IL1RAPL2: variants seen among roughly 807,000 people sequenced by gnomAD.
IL1RAPL2 encodes interleukin 1 receptor accessory protein like 2, also known as X-linked interleukin-1 receptor accessory protein-like 2.
Under a neutral mutation model 44.1 loss-of-function variants are expected in IL1RAPL2, and 3 were observed. The observed-to-expected ratio is 0.07, with a 90% CI of 0.03 to 0.18. IL1RAPL2 has a LOEUF of 0.18. IL1RAPL2 is among the 10% of genes least tolerant of loss of function. IL1RAPL2 has a pLI of 1.00. For synonymous variants in IL1RAPL2, 181 were observed against 178.8 expected, an observed-to-expected ratio of 1.01 and a Z score of -0.10; for missense variants, 391 against 496.4, an observed-to-expected ratio of 0.79 and a Z score of 2.02.
chrX:105,192,050 T>C (rs1193943046), intron 2 of IL1RAPL2, among the ~76,000 whole-genome samples: 1 of 111,990 alleles, frequency 8.9e-6, no homozygotes, highest in Non-Finnish European at 1.9e-5. Context: ...CTTGTGCAGA[T>C]GAGATCAAGC....
intron 1 of IL1RAPL2, among the ~76,000 whole-genome samples, chrX:104,631,230 G>A (rs1232648911): frequency 8.9e-6 from 1 of 111,898 alleles, no homozygotes; most frequent in Non-Finnish European, 1.9e-5. Flanking sequence ...TCTTGATCCA[G>A]TCTATCATTG....
chrX:104,928,135 G>A (rs907154150), intron 2 of IL1RAPL2, among the ~76,000 whole-genome samples: 4 of 111,685 alleles, frequency 3.6e-5, no homozygotes, highest in Non-Finnish European at 7.5e-5. Context: ...ATCCCCTCAA[G>A]CATTTATCCT....
Position 105,448,754 on chromosome X carries a change from C to T in IL1RAPL2, c.698-35559C>T, listed in dbSNP as rs749637362. 4.0e-4 allele frequency among the ~76,000 whole-genome samples: 44 copies of T among 110,561 alleles called. 1 individual carries two copies. The highest frequency in any genetic ancestry group is 1.4e-3 in the African/African-American group (41 of 30,363). ...TCTTTGTTTTTTTCTTTTGTCTCATCGGATTGTGTATTTTCAAATAGCCTG... is the reference window on the plus strand; with the variant it reads ...TCTTTGTTTTTTTCTTTTGTCTCATTGGATTGTGTATTTTCAAATAGCCTG... On this transcript the variant is annotated intron_variant, in intron 5 of 10. Coordinates refer to ENST00000372582, the MANE Select transcript of IL1RAPL2 (RefSeq NM_017416.2).
intron 6 of IL1RAPL2, among the ~76,000 whole-genome samples, chrX:105,505,608 T>C (rs1055611746): frequency 1.8e-5 from 2 of 111,311 alleles, no homozygotes; most frequent in African/African-American, 6.5e-5. Flanking sequence ...TTCATTTAAG[T>C]CCAGTATAGC....
chrX:104,908,270 G>C (rs986374801), intron 2 of IL1RAPL2, among the ~76,000 whole-genome samples: 28 of 111,718 alleles, frequency 2.5e-4, no homozygotes, highest in Non-Finnish European at 3.9e-4. Flanking sequence ...TTGTCAGTCC[G>C]TGTCTTTTAA....
intron 2 of IL1RAPL2, among the ~76,000 whole-genome samples, chrX:104,888,928 C>A (rs768322275): frequency 1.3e-4 from 15 of 111,542 alleles, no homozygotes; most frequent in Non-Finnish European, 2.4e-4. Context: ...AGCCCATACA[C>A]GGCACTGTAA....
At chrX:105,694,408 A>G (rs966796034) in intron 6 of IL1RAPL2, among the ~76,000 whole-genome samples, 2 of 112,038 alleles carry the variant, frequency 1.8e-5, no homozygotes, top group Non-Finnish European at 3.8e-5. Context: ...TTTGATGATT[A>G]ATTGAATGCA....
chrX:105,340,202 G>A (rs1413985629), intron 5 of IL1RAPL2, among the ~76,000 whole-genome samples: 1 of 111,235 alleles, frequency 9.0e-6, no homozygotes, highest in Non-Finnish European at 1.9e-5. Flanking sequence ...TCAGTTGATG[G>A]GGTCTTCATC....
chrX:105,182,346 A>G (rs1430828485), intron 2 of IL1RAPL2, among the ~76,000 whole-genome samples: 1 of 111,181 alleles, frequency 9.0e-6, no homozygotes, highest in South Asian at 3.8e-4. Context: ...CAGAATTATT[A>G]TATCCTTTTA....
At position 105,740,697 on chromosome X, in the gene IL1RAPL2, T is replaced by C. The variant is rs930229202; in HGVS notation, c.1048+6T>C. ...TGTTTTGCTGCGTAAAAAGGGTATT[T>C]ATTTTTATAACTATAACTATGGTTT... is the stretch of plus-strand genomic sequence containing the variant. On this transcript the variant is annotated splice_donor_region_variant and intron_variant, in intron 8 of 10. Coordinates refer to ENST00000372582, the MANE Select transcript of IL1RAPL2 (RefSeq NM_017416.2). The C allele has an allele frequency of 1.7e-6, 2 of 1,198,056 alleles. No individual in the cohort carries two copies. The highest frequency in any genetic ancestry group is 2.2e-5 in the Admixed American group (1 of 45,171).
In IL1RAPL2 at chrX:104,640,066, C is replaced by A. The variant is rs185493298; in HGVS notation, c.-19-18829C>A. ...GAAGTTTTCAGCTATTATTTTGTTACATAGGTTTTCTATCTTTCTTTTTTT... is the reference window on the plus strand; with the variant it reads ...GAAGTTTTCAGCTATTATTTTGTTAAATAGGTTTTCTATCTTTCTTTTTTT... On this transcript the variant is annotated intron_variant, in intron 1 of 10. Transcript: ENST00000372582. Among the ~76,000 whole-genome samples, 225 of 111,678 alleles carry A rather than the reference C, an allele frequency of 2.0e-3. 1 individual carries two copies. Among genetic ancestry groups the A allele is most frequent in the African/African-American group, 6.9e-3 (213 of 30,781 alleles).
intron 6 of IL1RAPL2, among the ~76,000 whole-genome samples, chrX:105,538,751 T>C (rs764357865): frequency 3.6e-5 from 4 of 111,592 alleles, no homozygotes; most frequent in Admixed American, 9.5e-5. Flanking sequence ...AGTGAAACTC[T>C]CTCTCTTCAC....
chrX:105,275,266 G>A (rs2034477388), intron 5 of IL1RAPL2, among the ~76,000 whole-genome samples: 1 of 110,350 alleles, frequency 9.1e-6, no homozygotes, highest in African/African-American at 3.3e-5. Context: ...TCCTAAACTT[G>A]TATGAACACA....
At chrX:104,902,000 A>C (rs965774054) in intron 2 of IL1RAPL2, among the ~76,000 whole-genome samples, 7 of 112,121 alleles carry the variant, frequency 6.2e-5, no homozygotes, top group African/African-American at 2.3e-4. Context: ...TTAATGAAGA[A>C]ATTTCTGAAT....
intron 2 of IL1RAPL2, among the ~76,000 whole-genome samples, chrX:104,949,437 T>C (rs1459693664): frequency 7.4e-5 from 8 of 108,304 alleles, no homozygotes; most frequent in Non-Finnish European, 9.6e-5. Context: ...GCTCTGATTT[T>C]AGTTATTTCT....
intron 6 of IL1RAPL2, among the ~76,000 whole-genome samples, chrX:105,524,964 T>C (rs758899180): frequency 2.3e-4 from 26 of 111,558 alleles, no homozygotes; most frequent in African/African-American, 7.8e-4. Flanking sequence ...TAGCAAATAT[T>C]AGCTGTAATA....
intron 2 of IL1RAPL2, among the ~76,000 whole-genome samples, chrX:104,889,136 G>T (rs1263364704): frequency 1.8e-5 from 2 of 110,446 alleles, no homozygotes; most frequent in Non-Finnish European, 3.8e-5. Context: ...GCCCCCAAAA[G>T]TCATCATCTC....
intron 7 of IL1RAPL2, among the ~76,000 whole-genome samples, chrX:105,735,464 T>C (rs1380951666): frequency 1.8e-5 from 2 of 111,762 alleles, no homozygotes; most frequent in Admixed American, 9.5e-5. Context: ...TCTAAGGTCA[T>C]ATGAAATATA....
At chrX:104,759,961 TC>T (rs1932399942) in intron 2 of IL1RAPL2, among the ~76,000 whole-genome samples, 1 of 111,774 alleles carries the variant, frequency 8.9e-6, no homozygotes, top group Non-Finnish European at 1.9e-5. Context: ...CCACAACACT[TC>T]CTTGCTTCTG....
Sources: allele counts gnomAD v4.1 joint callset (sites outside exome capture counted in the v4.1 genomes callset), GRCh38; gene constraint gnomAD v4.1.1; transcripts MANE v1.5; gene names NCBI Gene and HGNC (gene_info 2026-07-23, HGNC 2026-07-21).